Variants in USP18 observed in about 807,000 individuals in gnomAD.
USP18 encodes ubl carboxyl-terminal hydrolase 18.
A neutral mutation model predicts 48.7 loss-of-function variants in USP18; 11 were observed. The observed-to-expected ratio is 0.23, with a 90% CI of 0.14 to 0.37. The LOEUF (loss-of-function observed/expected upper bound fraction) is 0.37. Among genes scored for constraint, USP18 ranks in the 10% least tolerant of loss-of-function variants. USP18 has a pLI of 1.00. For missense variants in USP18, 285 were observed against 436.4 expected, an observed-to-expected ratio of 0.65 and a Z score of 3.09; for synonymous variants, 114 against 163.2, an observed-to-expected ratio of 0.70 and a Z score of 2.30.
intron 2 of USP18, among the ~76,000 whole-genome samples, chr22:18,159,214 C>G (rs927954682): frequency 3.9e-5 from 6 of 151,976 alleles, no homozygotes; most frequent in Non-Finnish European, 7.4e-5. Context: ...CACCACCACA[C>G]CCGGCTAATT....
chr22:18,168,139 T>A, intron 6 of USP18, 103 bp downstream of exon 6: 1 of 1,525,206 alleles, frequency 6.6e-7, no homozygotes. Context: ...CTTACAGTTC[T>A]GGAGGCTGGG....
Position 18,169,884 on chromosome 22 carries a change from C to T in USP18, c.668C>T (p.Ser223Leu), listed in dbSNP as rs760948252. 2.5e-6 allele frequency: 4 copies of T among 1,607,992 alleles called. No individual in the cohort carries two copies. The highest frequency in any genetic ancestry group is 2.5e-6 in the Non-Finnish European group (3 of 1,176,936). Reference protein sequence around the residue: ...LHCFFQPRELSSKSKCFCENC... With the variant: ...LHCFFQPRELLSKSKCFCENC... The stretch of plus-strand genomic sequence containing the variant: ...TGCTTCTTCCAGCCCAGGGAGTTAT[C>T]AAGCAAAAGCAAGTGCTTCTGTGAG... Residue 223 changes from serine (S) to leucine (L), a missense_variant, in exon 7 of 11, where the codon TCA becomes TTA. Physicochemically the swap from Ser to Leu is moderately radical, Grantham distance 145. Coordinates refer to ENST00000215794, the MANE Select transcript of USP18 (RefSeq NM_017414.4).
chr22:18,163,623 A>G (rs1311960643), intron 4 of USP18, among the ~76,000 whole-genome samples: 1 of 151,744 alleles, frequency 6.6e-6, no homozygotes, highest in Admixed American at 6.6e-5. Flanking sequence ...AGCCTGGGCC[A>G]CAGAGCAAGA....
At chr22:18,163,567 C>T (rs374256061) in intron 4 of USP18, among the ~76,000 whole-genome samples, 25 of 151,296 alleles carry the variant, frequency 1.7e-4, no homozygotes, top group East Asian at 9.8e-4. Context: ...GGCGTGAACC[C>T]GGGAGGCGGA....
intron 1 of USP18, among the ~76,000 whole-genome samples, chr22:18,151,626 A>G (rs1055211651): frequency 1.3e-5 from 2 of 152,194 alleles, no homozygotes; most frequent in Admixed American, 1.3e-4. Context: ...ATAGTTTCAA[A>G]GAAGGTAAGT....
At chr22:18,169,779 T>G (rs557883544) in intron 6 of USP18, 65 bp from the exon 7 acceptor site, 9 of 1,537,384 alleles carry the variant, frequency 5.9e-6, no homozygotes, top group Non-Finnish European at 7.9e-6. Context: ...TGAGAACAGA[T>G]GAATATAGTA....
At chr22:18,151,200 CTCT>C (rs1200534972) in intron 1 of USP18, among the ~76,000 whole-genome samples, 4 of 152,166 alleles carry the variant, frequency 2.6e-5, no homozygotes, top group African/African-American at 9.7e-5. Context: ...GTCTTAACCT[CTCT>C]TCTTCACACC....
chr22:18,153,783 G>A (rs141739640), intron 1 of USP18, among the ~76,000 whole-genome samples: 2 of 152,090 alleles, frequency 1.3e-5, no homozygotes, highest in Admixed American at 1.3e-4. Flanking sequence ...AGCTTTTTGA[G>A]CTTTCACATA....
rs1269531156 is a variant in USP18, at chr22:18,157,815, C to T, written c.152C>T (p.Pro51Leu). 2 of 1,614,082 alleles carry T rather than the reference C, an allele frequency of 1.2e-6. No homozygotes were observed. The highest frequency in any genetic ancestry group is 1.1e-5 in the South Asian group (1 of 91,072). The change falls in exon 2 of 11, where the codon CCT becomes CTT. Residue 51 changes from proline to leucine, a missense_variant. Pro to Leu is a moderately conservative substitution (Grantham distance 98). Coordinates refer to ENST00000215794, the MANE Select transcript of USP18 (RefSeq NM_017414.4). ...PRERPRAWDY[P>L]HGLVGLHNIG... The stretch of plus-strand genomic sequence containing the variant: ...GAGCGTCCCAGGGCCTGGGACTACC[C>T]TCATGGTCATTAGACCCCTCCCGTT...
chr22:18,166,290 A>C (rs1462464636), intron 4 of USP18, among the ~76,000 whole-genome samples: 4 of 151,938 alleles, frequency 2.6e-5, no homozygotes, highest in Admixed American at 6.6e-5. Flanking sequence ...CTTCTTTTAT[A>C]GTTTTTTCTT....
At chr22:18,174,055 A>G (rs970796215) in intron 10 of USP18, among the ~76,000 whole-genome samples, 30 of 151,626 alleles carry the variant, frequency 2.0e-4, no homozygotes, top group African/African-American at 7.3e-4. Flanking sequence ...CGTGCCCTCC[A>G]TCTCCCGTCT....
chr22:18,151,013 G>C (rs1400996119), intron 1 of USP18, among the ~76,000 whole-genome samples: 1 of 152,190 alleles, frequency 6.6e-6, no homozygotes, highest in Admixed American at 6.5e-5. Flanking sequence ...AATGCATGGA[G>C]ATTTAGGTTG....
At position 18,160,233 on chromosome 22, in the gene USP18, C is replaced by G. The variant is rs138144879; in HGVS notation, c.219C>G (p.Phe73Leu). Residue 73 changes from phenylalanine to leucine, a missense_variant, in exon 3 of 11, where the codon TTC becomes TTG. Physicochemically the swap from Phe to Leu is conservative, Grantham distance 22. This residue lies in a region of USP18 where 199 missense variants were observed against 239.6 expected (regional missense o/e 0.83). Coordinates refer to ENST00000215794, the MANE Select transcript of USP18 (RefSeq NM_017414.4). ...TCCLNSLIQV[F>L]VMNVDFTRIL... is the part of the protein sequence containing the mutation. ...GCCTTAACTCCTTGATTCAGGTGTT[C>G]GTAATGAATGTGGACTTCACCAGGA... 6.2e-7 allele frequency: 1 copy of G among 1,614,156 alleles called. No homozygotes were observed. The highest frequency in any genetic ancestry group is 2.2e-5 in the East Asian group (1 of 44,882).
chr22:18,172,341 A>G (rs1929652871), intron 8 of USP18, among the ~76,000 whole-genome samples: 1 of 152,236 alleles, frequency 6.6e-6, no homozygotes, highest in Admixed American at 6.5e-5. Context: ...CTAAAGAATA[A>G]GCACTCAAAA....
rs200363158 is a variant in USP18 at position 18,157,830 on chromosome 22, C to A, written c.157+10C>A. ...TGGGACTACCCTCATGGTCATTAGA[C>A]CCCTCCCGTTTTCCTCTTCTTGACT... On this transcript the variant is annotated intron_variant, in intron 2 of 10. Coordinates refer to ENST00000215794, the MANE Select transcript of USP18 (RefSeq NM_017414.4). 25 of 1,613,856 alleles carry A rather than the reference C, an allele frequency of 1.5e-5. No homozygotes were observed. The highest frequency in any genetic ancestry group is 5.0e-5 in the Admixed American group (3 of 59,994).
chr22:18,168,112 G>A (rs1929530925), intron 6 of USP18, 76 bp downstream of exon 6: 3 of 1,576,770 alleles, frequency 1.9e-6, no homozygotes, highest in Non-Finnish European at 1.7e-6. Flanking sequence ...CAATATCTGA[G>A]ACTAGGTAAT....
intron 6 of USP18, among the ~76,000 whole-genome samples, chr22:18,168,377 C>T (rs1202838384): frequency 3.3e-5 from 5 of 149,862 alleles, no homozygotes; most frequent in Admixed American, 6.6e-5. Context: ...AGGGCTGTGC[C>T]CTCATGATGC....
chr22:18,169,294 G>A (rs112622115), intron 6 of USP18, among the ~76,000 whole-genome samples: 19 of 152,200 alleles, frequency 1.2e-4, no homozygotes, highest in African/African-American at 4.6e-4. Context: ...GTGGAGCCAG[G>A]CTGGGTGTGG....
chr22:18,159,119 G>A (rs1929248417), intron 2 of USP18, among the ~76,000 whole-genome samples: 1 of 152,054 alleles, frequency 6.6e-6, no homozygotes, highest in African/African-American at 2.4e-5. Flanking sequence ...GCAGTGGCAC[G>A]ATCTTGGCTC....
Sources: gnomAD v4.1 joint callset for allele counts (sites outside exome capture counted in the v4.1 genomes callset) on GRCh38, gnomAD v4.1.1 for gene constraint, gnomAD v4.1.1 regional missense constraint, MANE v1.5 for transcripts, NCBI Gene and HGNC (gene_info 2026-07-23, HGNC 2026-07-21) for gene names.